TMEM108: variants seen among roughly 807,000 people sequenced by gnomAD.
TMEM108 encodes the protein cancer/testis antigen 124.
Under a neutral mutation model 35.1 loss-of-function variants are expected in TMEM108, and 12 were observed. The ratio of observed to expected loss-of-function variants is 0.34; its 90% CI spans 0.22 to 0.55. TMEM108 has a LOEUF of 0.55. Ranked by LOEUF, TMEM108 falls within the 20% of genes least tolerant of loss-of-function variation. TMEM108 has a pLI of 0.89. For missense variants in TMEM108, 680 were observed against 753.3 expected, an observed-to-expected ratio of 0.90 and a Z score of 1.14; for synonymous variants, 287 against 308.6, an observed-to-expected ratio of 0.93 and a Z score of 0.73.
intron 2 of TMEM108, among the ~76,000 whole-genome samples, chr3:133,201,773 G>A (rs536482177): frequency 3.3e-5 from 5 of 152,176 alleles, no homozygotes; most frequent in Non-Finnish European, 7.3e-5. Context: ...ATGTGCATGT[G>A]TCTTTATAGT....
chr3:133,180,186 G>C (rs530170898), intron 2 of TMEM108, among the ~76,000 whole-genome samples: 1 of 152,028 alleles, frequency 6.6e-6, no homozygotes, highest in Admixed American at 6.6e-5. Context: ...TATCTAATGT[G>C]GGGGAGAGGG....
At chr3:133,245,797 A>T (rs952058094) in intron 3 of TMEM108, among the ~76,000 whole-genome samples, 1 of 152,266 alleles carries the variant, frequency 6.6e-6, no homozygotes, top group Non-Finnish European at 1.5e-5. Flanking sequence ...ATAGAACACA[A>T]GGCACATATG....
chr3:133,355,871 G>C (rs936978062), intron 3 of TMEM108, among the ~76,000 whole-genome samples: 16 of 152,104 alleles, frequency 1.1e-4, no homozygotes, highest in African/African-American at 3.9e-4. Context: ...TAGTTTAATT[G>C]CTAGCTTTTT....
chr3:133,204,791 G>T (rs868210406), intron 2 of TMEM108, among the ~76,000 whole-genome samples: 2 of 152,280 alleles, frequency 1.3e-5, no homozygotes, highest in South Asian at 4.1e-4. Context: ...ATTTGGGGTG[G>T]AGAGTTCTGT....
chr3:133,066,919 C>T (rs1422758141), intron 2 of TMEM108, among the ~76,000 whole-genome samples: 1 of 151,858 alleles, frequency 6.6e-6, no homozygotes, highest in African/African-American at 2.4e-5. Context: ...CAATAATGTG[C>T]ATGTTTTTTT....
chr3:133,321,677 GA>G (rs2071269589), intron 3 of TMEM108, among the ~76,000 whole-genome samples: 4 of 152,054 alleles, frequency 2.6e-5, no homozygotes, highest in Non-Finnish European at 2.9e-5. Flanking sequence ...AGAACAAATG[GA>G]CTTAACAGAT....
At chr3:133,202,013 C>T (rs986052132) in intron 2 of TMEM108, among the ~76,000 whole-genome samples, 3 of 152,186 alleles carry the variant, frequency 2.0e-5, no homozygotes, top group African/African-American at 7.2e-5. Context: ...GATATGATAT[C>T]TCATTGTGGT....
At chr3:133,379,682 A>C in intron 3 of TMEM108, 70 bp from the exon 4 acceptor site, 1 of 1,483,056 alleles carries the variant, frequency 6.7e-7, no homozygotes, top group Non-Finnish European at 9.2e-7. Flanking sequence ...CCTAGGCCAC[A>C]GGTAAGAAAG....
Position 133,274,341 on chromosome 3 carries a change from G to A in TMEM108, c.40+44990G>A, listed in dbSNP as rs148910164. 4.3e-3 allele frequency among the ~76,000 whole-genome samples: 651 copies of A among 152,306 alleles called. 2 individuals are homozygous for A. Among genetic ancestry groups the A allele is most frequent in the African/African-American group, 0.015 (604 of 41,560 alleles). ...TGTCGTGATTTAAACTGTGGCTGAT[G>A]AGTGACTCCCTTCTTTCCTTCTCTT... On this transcript the variant is annotated intron_variant, in intron 3 of 5. Coordinates refer to ENST00000321871, the MANE Select transcript of TMEM108 (RefSeq NM_023943.4).
chr3:133,081,936 C>A (rs1943816083), intron 2 of TMEM108, among the ~76,000 whole-genome samples: 1 of 152,162 alleles, frequency 6.6e-6, no homozygotes, highest in Non-Finnish European at 1.5e-5. Flanking sequence ...TTGGGAGTGG[C>A]AAGCCTTGCT....
chr3:133,290,214 TA>T (rs1315323014), intron 3 of TMEM108, among the ~76,000 whole-genome samples: 1 of 152,214 alleles, frequency 6.6e-6, no homozygotes, highest in African/African-American at 2.4e-5. Context: ...AAGGCGTCCC[TA>T]AGCTGACAAT....
intron 3 of TMEM108, among the ~76,000 whole-genome samples, chr3:133,358,082 A>G (rs776769542): frequency 4.6e-5 from 7 of 152,152 alleles, no homozygotes; most frequent in Non-Finnish European, 8.8e-5. Flanking sequence ...CCTGGCCACA[A>G]GCTCACTTGT....
intron 3 of TMEM108, among the ~76,000 whole-genome samples, chr3:133,321,204 C>T (rs888306971): frequency 6.6e-6 from 1 of 152,124 alleles, no homozygotes; most frequent in Non-Finnish European, 1.5e-5. Context: ...AAATGTTCCA[C>T]TTAAAAGATA....
chr3:133,222,870 C>T (rs146604266), intron 2 of TMEM108, among the ~76,000 whole-genome samples: 5 of 151,982 alleles, frequency 3.3e-5, no homozygotes, highest in African/African-American at 9.7e-5. Context: ...ACTCTGTCAC[C>T]CAGGCTGGAG....
In TMEM108 at chr3:133,279,658, A is replaced by C. The variant is rs965266660; in HGVS notation, c.40+50307A>C. Among the ~76,000 whole-genome samples, 6 of 152,366 alleles carry C rather than the reference A, an allele frequency of 3.9e-5. No individual in the cohort carries two copies. In the East Asian group the frequency reaches 1.2e-3, roughly 29 times the overall value. On this transcript the variant is annotated intron_variant, in intron 3 of 5. Coordinates refer to ENST00000321871, the MANE Select transcript of TMEM108 (RefSeq NM_023943.4). ...ACCACACTCAGTGCCTGGACATGGT[A>C]GATGGCTGCCTAATGAATGAATCTG...
At chr3:133,215,513 C>T (rs1472352189) in intron 2 of TMEM108, among the ~76,000 whole-genome samples, 1 of 152,058 alleles carries the variant, frequency 6.6e-6, no homozygotes, top group East Asian at 1.9e-4. Context: ...CCACTCTATG[C>T]GTGTCCACTA....
chr3:133,164,881 TA>T (rs1373207043), intron 2 of TMEM108, among the ~76,000 whole-genome samples: 2 of 152,162 alleles, frequency 1.3e-5, no homozygotes, highest in East Asian at 3.8e-4. Context: ...GGGAGAGCAT[TA>T]ATGTATCCAA....
intron 2 of TMEM108, among the ~76,000 whole-genome samples, chr3:133,217,963 A>G (rs1484950031): frequency 6.6e-6 from 1 of 151,954 alleles, no homozygotes; most frequent in Non-Finnish European, 1.5e-5. Context: ...AAAAAATGTC[A>G]TTGGAATTTT....
At chr3:133,319,687 T>C (rs145818476) in intron 3 of TMEM108, among the ~76,000 whole-genome samples, 4 of 152,318 alleles carry the variant, frequency 2.6e-5, no homozygotes, top group Non-Finnish European at 5.9e-5. Context: ...GACCTGAAGA[T>C]GGATTGCATC....
Sources: allele counts gnomAD v4.1 joint callset (sites outside exome capture counted in the v4.1 genomes callset), GRCh38; gene constraint gnomAD v4.1.1; transcripts MANE v1.5; gene names NCBI Gene and HGNC (gene_info 2026-07-23, HGNC 2026-07-21).